Variants in PPP2R2B observed in about 807,000 individuals in gnomAD.
PPP2R2B encodes the protein serine/threonine-protein phosphatase 2A 55 kDa regulatory subunit B beta isoform.
Under a neutral mutation model 46.0 loss-of-function variants are expected in PPP2R2B, and 5 were observed. That is an observed-to-expected ratio of 0.11 (90% CI 0.06 to 0.23). The LOEUF (loss-of-function observed/expected upper bound fraction) is 0.23, where lower values mean the gene tolerates loss of function less well. Among genes scored for constraint, PPP2R2B ranks in the 10% least tolerant of loss-of-function variants. The probability of loss-of-function intolerance (pLI) is 1.00; values close to 1 mark genes in which losing one functional copy is unlikely to be tolerated. For synonymous variants in PPP2R2B, 215 were observed against 206.7 expected (o/e 1.04, Z -0.34); for missense variants, 367 against 575.0 (o/e 0.64, Z 3.70).
chr5:146,971,954 T>C (rs980170260), intron 1 of PPP2R2B, among the ~76,000 whole-genome samples: 2 of 152,210 alleles, frequency 1.3e-5, no homozygotes, highest in South Asian at 2.1e-4. Context: ...CTAACATTAA[T>C]ATATTACTAT....
At chr5:146,631,042 T>C (rs1774391780) in intron 7 of PPP2R2B, among the ~76,000 whole-genome samples, 2 of 152,194 alleles carry the variant, frequency 1.3e-5, no homozygotes, top group South Asian at 4.1e-4. Flanking sequence ...ATTCACTCAC[T>C]ACTGTCAGTT....
chr5:147,014,683 C>A (rs1271683764), intron 1 of PPP2R2B, among the ~76,000 whole-genome samples: 1 of 137,448 alleles, frequency 7.3e-6, no homozygotes, highest in Non-Finnish European at 1.5e-5. Context: ...GGGAATTGAA[C>A]AATGAGAACA....
intron 1 of PPP2R2B, among the ~76,000 whole-genome samples, chr5:146,911,256 G>A (rs1012936108): frequency 6.6e-6 from 1 of 152,050 alleles, no homozygotes; most frequent in African/African-American, 2.4e-5. Context: ...GCTAATTTTT[G>A]TATTTTTAGT....
chr5:146,925,627 T>C (rs903808561), intron 1 of PPP2R2B, among the ~76,000 whole-genome samples: 2 of 152,066 alleles, frequency 1.3e-5, no homozygotes, highest in African/African-American at 4.8e-5. Flanking sequence ...GATCTATTTG[T>C]ATTTATCCTG....
At chr5:147,015,873 A>G (rs146267604) in intron 1 of PPP2R2B, among the ~76,000 whole-genome samples, 7 of 151,506 alleles carry the variant, frequency 4.6e-5, no homozygotes, top group African/African-American at 1.4e-4. Context: ...TCAATAAATG[A>G]TATCTATTTT....
chr5:146,751,746 T>C lies in PPP2R2B; in HGVS notation c.71-50604A>G, dbSNP rs138085061. ...AGAAATATTAAACAGAGTTAAGTCA[T>C]AGGGAATAATGGTGATTGCCCCCAG... On this transcript the variant is annotated intron_variant, in intron 2 of 9. Coordinates refer to ENST00000394411, the MANE Select transcript of PPP2R2B (RefSeq NM_181675.4). 2.0e-4 allele frequency among the ~76,000 whole-genome samples: 31 copies of C among 152,200 alleles called. 2 individuals carry two copies. The East Asian group carries it at 6.0e-3, about 29-fold the overall frequency.
chr5:146,851,427 C>T (rs1289428734), intron 2 of PPP2R2B, among the ~76,000 whole-genome samples: 1 of 152,054 alleles, frequency 6.6e-6, no homozygotes, highest in Non-Finnish European at 1.5e-5. Context: ...TTGCTGATTG[C>T]TATTAGTGCT....
intron 6 of PPP2R2B, among the ~76,000 whole-genome samples, chr5:146,641,625 A>C (rs1775226743): frequency 6.6e-6 from 1 of 150,600 alleles, no homozygotes; most frequent in Non-Finnish European, 1.5e-5. Context: ...AGAGAAGTCT[A>C]GTTGCTAAAA....
At chr5:146,810,208 C>A (rs1757440841) in intron 2 of PPP2R2B, among the ~76,000 whole-genome samples, 1 of 152,152 alleles carries the variant, frequency 6.6e-6, no homozygotes, top group African/African-American at 2.4e-5. Flanking sequence ...ATACCTGAGA[C>A]TGGGCAATTT....
chr5:146,765,783 G>A (rs569506974), intron 2 of PPP2R2B, among the ~76,000 whole-genome samples: 1 of 152,284 alleles, frequency 6.6e-6, no homozygotes, highest in East Asian at 1.9e-4. Context: ...TATCATAGGA[G>A]CTTTTGGATT....
intron 1 of PPP2R2B, among the ~76,000 whole-genome samples, chr5:146,982,950 T>C (rs1283534519): frequency 6.6e-6 from 1 of 152,126 alleles, no homozygotes; most frequent in Non-Finnish European, 1.5e-5. Context: ...ATAGAGAGCA[T>C]ATTGTTAGCT....
At chr5:147,047,320 G>A (rs1756589605) in intron 1 of PPP2R2B, among the ~76,000 whole-genome samples, 2 of 152,068 alleles carry the variant, frequency 1.3e-5, no homozygotes, top group South Asian at 4.2e-4. Context: ...AACACAAAGA[G>A]AGGATAAGTG....
intron 7 of PPP2R2B, among the ~76,000 whole-genome samples, chr5:146,605,503 T>C (rs949394635): frequency 2.0e-5 from 3 of 152,200 alleles, no homozygotes; most frequent in African/African-American, 7.2e-5. Flanking sequence ...CAAATAAGCT[T>C]GGGAAACCTC....
At chr5:146,965,559 A>G (rs1349235852) in intron 1 of PPP2R2B, among the ~76,000 whole-genome samples, 1 of 152,180 alleles carries the variant, frequency 6.6e-6, no homozygotes, top group Non-Finnish European at 1.5e-5. Flanking sequence ...ACTGTCAGTC[A>G]TAGTCAGAAA....
chr5:146,886,381 A>C (rs956718910), intron 1 of PPP2R2B, among the ~76,000 whole-genome samples: 6 of 151,490 alleles, frequency 4.0e-5, no homozygotes, highest in East Asian at 1.9e-4. Context: ...TAAAACTAAA[A>C]TAAAATAAAA....
chr5:146,591,283 C>A (rs1266476896), intron 9 of PPP2R2B, among the ~76,000 whole-genome samples: 1 of 152,138 alleles, frequency 6.6e-6, no homozygotes, highest in Non-Finnish European at 1.5e-5. Flanking sequence ...GATTGGGCCA[C>A]AGCAAGGGGG....
chr5:146,838,416 A>G (rs964690724), intron 2 of PPP2R2B, among the ~76,000 whole-genome samples: 2 of 151,996 alleles, frequency 1.3e-5, no homozygotes, highest in African/African-American at 2.4e-5. Context: ...TACTAAAAAT[A>G]CAAAATTAGC....
chr5:146,637,567 T>C (rs1774904228), intron 7 of PPP2R2B, among the ~76,000 whole-genome samples: 1 of 152,222 alleles, frequency 6.6e-6, no homozygotes, highest in Admixed American at 6.5e-5. Context: ...ATCTGAACAA[T>C]TTCCCTAACA....
At chr5:146,968,861 T>C (rs1752549469) in intron 1 of PPP2R2B, among the ~76,000 whole-genome samples, 1 of 152,256 alleles carries the variant, frequency 6.6e-6, no homozygotes, top group Non-Finnish European at 1.5e-5. Context: ...AAAGTATAGA[T>C]TATAGTACAA....
Sources: allele counts gnomAD v4.1 joint callset (sites outside exome capture counted in the v4.1 genomes callset), GRCh38; gene constraint gnomAD v4.1.1; transcripts MANE v1.5; gene names NCBI Gene and HGNC (gene_info 2026-07-23, HGNC 2026-07-21).